The following NLGN1 variants were observed in gnomAD, a reference collection of about 807,000 sequenced individuals.
NLGN1 encodes the protein neuroligin-1.
A neutral mutation model predicts 65.5 loss-of-function variants in NLGN1; 12 were observed. That is an observed-to-expected ratio of 0.18 (90% CI 0.12 to 0.30). The LOEUF is 0.30. NLGN1 is among the 10% of genes least tolerant of loss of function. NLGN1 has a pLI of 1.00. For missense variants in NLGN1, 750 were observed against 1,007.1 expected (o/e 0.74, Z 3.46); for synonymous variants, 350 against 359.5 (o/e 0.97, Z 0.30).
intron 4 of NLGN1, among the ~76,000 whole-genome samples, chr3:173,872,254 T>C (rs1731314774): frequency 6.6e-6 from 1 of 152,222 alleles, no homozygotes; most frequent in African/African-American, 2.4e-5. Context: ...ACTAGCTATT[T>C]AGTCTAAATT....
chr3:174,228,523 T>C (rs1740125770), intron 4 of NLGN1, among the ~76,000 whole-genome samples: 1 of 152,144 alleles, frequency 6.6e-6, no homozygotes, highest in Non-Finnish European at 1.5e-5. Context: ...CATACAAGTG[T>C]AGAGGGTCAT....
chr3:173,816,230 A>T (rs1719019413), intron 4 of NLGN1, among the ~76,000 whole-genome samples: 1 of 152,050 alleles, frequency 6.6e-6, no homozygotes, highest in Non-Finnish European at 1.5e-5. Flanking sequence ...GGCCACATTC[A>T]TTGAAGACTT....
rs181298204 is a variant in NLGN1, at chr3:173,519,973, C to T, written c.-320-84306C>T. On this transcript the variant is annotated intron_variant, in intron 2 of 6. Coordinates refer to ENST00000457714, the Ensembl canonical transcript of NLGN1. ...GGTGGGACCTGGTAGAATCATGGGA[C>T]GGAGTTATCATGAATGGTTTAGCGT... is the stretch of plus-strand genomic sequence containing the variant. 1.4e-3 allele frequency among the ~76,000 whole-genome samples: 216 copies of T among 152,154 alleles called. 2 individuals carry two copies. The highest frequency in any genetic ancestry group is 5.0e-3 in the African/African-American group (206 of 41,518).
At chr3:173,870,542 G>GAGT (rs1029018549) in intron 4 of NLGN1, among the ~76,000 whole-genome samples, 2 of 152,134 alleles carry the variant, frequency 1.3e-5, no homozygotes, top group African/African-American at 4.8e-5. Flanking sequence ...TTTTGGTTTT[G>GAGT]ACTGTTCAGT....
intron 4 of NLGN1, among the ~76,000 whole-genome samples, chr3:173,983,772 C>T (rs1276992048): frequency 6.6e-6 from 1 of 152,100 alleles, no homozygotes; most frequent in Non-Finnish European, 1.5e-5. Flanking sequence ...TCATAAACTC[C>T]CCAAGCTAAA....
intron 4 of NLGN1, among the ~76,000 whole-genome samples, chr3:174,017,712 T>C (rs563784240): frequency 1.3e-5 from 2 of 152,158 alleles, no homozygotes; most frequent in Non-Finnish European, 2.9e-5. Flanking sequence ...AAGTTTTTAT[T>C]AGTGATTTTC....
At chr3:173,750,005 A>G (rs994441958) in intron 3 of NLGN1, among the ~76,000 whole-genome samples, 2 of 152,076 alleles carry the variant, frequency 1.3e-5, no homozygotes, top group Admixed American at 6.6e-5. Flanking sequence ...TTTGTCCCCT[A>G]TTCATGCCTC....
chr3:174,171,747 A>G (rs1271778551), intron 4 of NLGN1, among the ~76,000 whole-genome samples: 2 of 152,072 alleles, frequency 1.3e-5, no homozygotes, highest in Non-Finnish European at 2.9e-5. Context: ...ATTTAGTTAT[A>G]TCAATTTAAC....
At chr3:174,017,582 G>A (rs892482948) in intron 4 of NLGN1, among the ~76,000 whole-genome samples, 6 of 151,950 alleles carry the variant, frequency 3.9e-5, no homozygotes, top group South Asian at 4.2e-4. Flanking sequence ...CCTAAGTGTC[G>A]GGCAGTCTGA....
intron 4 of NLGN1, among the ~76,000 whole-genome samples, chr3:174,088,847 C>T (rs1743975822): frequency 6.6e-6 from 1 of 151,484 alleles, no homozygotes; most frequent in Non-Finnish European, 1.5e-5. Context: ...CAACAAGGAT[C>T]CAAATATTTC....
intron 3 of NLGN1, among the ~76,000 whole-genome samples, chr3:173,644,899 G>A (rs1272756608): frequency 6.6e-6 from 1 of 152,260 alleles, no homozygotes; most frequent in Non-Finnish European, 1.5e-5. Flanking sequence ...GCATGGTCAG[G>A]TGGTGGGGGA....
At chr3:174,270,642 T>C (rs1357315876) in intron 4 of NLGN1, among the ~76,000 whole-genome samples, 1 of 151,716 alleles carries the variant, frequency 6.6e-6, no homozygotes, top group Non-Finnish European at 1.5e-5. Flanking sequence ...TGCTGAAAGT[T>C]TGGAGGTTAA....
At chr3:173,791,186 T>C (rs1712637465) in intron 3 of NLGN1, among the ~76,000 whole-genome samples, 3 of 152,056 alleles carry the variant, frequency 2.0e-5, no homozygotes, top group Admixed American at 2.0e-4. Context: ...ACAGTAAGGG[T>C]ATCCTGGGAA....
chr3:174,236,311 A>C (rs770055344), intron 4 of NLGN1, among the ~76,000 whole-genome samples: 11 of 151,992 alleles, frequency 7.2e-5, no homozygotes, highest in Admixed American at 3.9e-4. Flanking sequence ...GCCTATATAT[A>C]TTTTTTTCCT....
chr3:174,060,444 C>T (rs1488623018), intron 4 of NLGN1, among the ~76,000 whole-genome samples: 2 of 152,068 alleles, frequency 1.3e-5, no homozygotes, highest in East Asian at 1.9e-4. Context: ...ATATGCCCCC[C>T]TTTACCCTCC....
chr3:174,076,509 C>A (rs1740940309), intron 4 of NLGN1, among the ~76,000 whole-genome samples: 1 of 152,084 alleles, frequency 6.6e-6, no homozygotes, highest in African/African-American at 2.4e-5. Flanking sequence ...GACAGCGTTC[C>A]TCTGTTCTCA....
At chr3:173,993,819 A>G (rs927555963) in intron 4 of NLGN1, among the ~76,000 whole-genome samples, 8 of 151,836 alleles carry the variant, frequency 5.3e-5, no homozygotes, top group African/African-American at 1.9e-4. Flanking sequence ...GTATATATAT[A>G]TTTTCCTCCA....
At chr3:173,411,108 G>A (rs558759056) in intron 1 of NLGN1, among the ~76,000 whole-genome samples, 1 of 152,342 alleles carries the variant, frequency 6.6e-6, no homozygotes, top group African/African-American at 2.4e-5. Context: ...AGGCTGTGCT[G>A]TGCTTTAGAG....
At chr3:174,064,967 C>A (rs560216935) in intron 4 of NLGN1, among the ~76,000 whole-genome samples, 1 of 151,168 alleles carries the variant, frequency 6.6e-6, no homozygotes, top group East Asian at 1.9e-4. Context: ...TAAAAAATAT[C>A]TTAAAGAAAA....
Sources: allele counts gnomAD v4.1 joint callset (sites outside exome capture counted in the v4.1 genomes callset), GRCh38; gene constraint gnomAD v4.1.1; transcripts MANE v1.5; gene names NCBI Gene and HGNC (gene_info 2026-07-23, HGNC 2026-07-21).